Variants in CMIP observed in about 807,000 individuals in gnomAD.
The protein encoded by CMIP is C-Maf-inducing protein.
CMIP carries 13 observed loss-of-function variants against 97.3 expected under a neutral mutation model. That is an observed-to-expected ratio of 0.13 (90% confidence interval 0.09 to 0.21). CMIP has a LOEUF of 0.21. CMIP is among the 10% of genes least tolerant of loss of function. CMIP has a pLI of 1.00. For missense variants in CMIP, 847 were observed against 1,024.9 expected (o/e 0.83, Z 2.37); for synonymous variants, 538 against 436.3 (o/e 1.23, Z -2.91).
intron 1 of CMIP, among the ~76,000 whole-genome samples, chr16:81,550,439 G>A (rs1303652161): frequency 2.6e-5 from 4 of 152,160 alleles, no homozygotes; most frequent in Non-Finnish European, 5.9e-5. Context: ...CAGGAGGGTC[G>A]CAGGGCTTTA....
At chr16:81,497,273 C>G (rs2089508513) in intron 1 of CMIP, among the ~76,000 whole-genome samples, 1 of 152,196 alleles carries the variant, frequency 6.6e-6, no homozygotes, top group African/African-American at 2.4e-5. Context: ...GGACCTGCTA[C>G]CTGTCCTCCG....
chr16:81,640,063 C>G (rs1466048510), intron 3 of CMIP, among the ~76,000 whole-genome samples: 2 of 152,308 alleles, frequency 1.3e-5, no homozygotes, highest in Admixed American at 1.3e-4. Flanking sequence ...GAGCCCCATG[C>G]TGACGTCCCT....
intron 1 of CMIP, among the ~76,000 whole-genome samples, chr16:81,589,158 G>A (rs757873968): frequency 2.6e-5 from 4 of 151,808 alleles, no homozygotes; most frequent in Admixed American, 1.3e-4. Context: ...GTGCAGTGGC[G>A]TGATCTCGGC....
At chr16:81,635,344 C>G (rs1325144528) in intron 3 of CMIP, among the ~76,000 whole-genome samples, 1 of 152,056 alleles carries the variant, frequency 6.6e-6, no homozygotes, top group Non-Finnish European at 1.5e-5. Context: ...GGTTGGCACA[C>G]AGGACAGAGT....
intron 1 of CMIP, among the ~76,000 whole-genome samples, chr16:81,521,963 T>C (rs2090037410): frequency 6.6e-6 from 1 of 152,306 alleles, no homozygotes; most frequent in East Asian, 1.9e-4. Context: ...TTGTTTCCTT[T>C]TTATCCAGGA....
intron 1 of CMIP, among the ~76,000 whole-genome samples, chr16:81,450,780 T>C (rs549125226): frequency 6.6e-6 from 1 of 152,336 alleles, no homozygotes; most frequent in South Asian, 2.1e-4. Flanking sequence ...AAAATTGAAA[T>C]ACTCATGTAT....
At chr16:81,675,896 C>G (rs1173626502) in intron 9 of CMIP, among the ~76,000 whole-genome samples, 2 of 152,146 alleles carry the variant, frequency 1.3e-5, no homozygotes, top group Non-Finnish European at 2.9e-5. Flanking sequence ...CTAACAAGCT[C>G]CCAGGCGAAG....
At chr16:81,450,937 C>G (rs973401116) in intron 1 of CMIP, among the ~76,000 whole-genome samples, 17 of 152,238 alleles carry the variant, frequency 1.1e-4, no homozygotes, top group African/African-American at 4.1e-4. Flanking sequence ...ATGCACACAG[C>G]TGTCTACCGT....
At chr16:81,587,236 T>G (rs2091397396) in intron 1 of CMIP, among the ~76,000 whole-genome samples, 1 of 152,248 alleles carries the variant, frequency 6.6e-6, no homozygotes, top group Non-Finnish European at 1.5e-5. Context: ...TGGAGCCAGC[T>G]TTACAGCTGG....
At position 81,709,913 on chromosome 16, in the gene CMIP, G is replaced by T; in HGVS notation, c.*114G>T. Reference sequence around the variant, plus strand: ...ACCCTGGTGCCCTGGCTGTGAGATAGATGGGGAGTCTTTCTGGGGGCGGAG... The same window carrying T: ...ACCCTGGTGCCCTGGCTGTGAGATATATGGGGAGTCTTTCTGGGGGCGGAG... On this transcript the variant is annotated 3_prime_UTR_variant, in exon 21 of 21. Coordinates refer to ENST00000537098, the MANE Select transcript of CMIP (RefSeq NM_198390.3). 1.8e-6 allele frequency: 1 copy of T among 561,184 alleles called. No homozygotes were observed. The allele number at this position is 561,184 out of a possible 1,614,324, so 34.8% of individuals were successfully genotyped here.
At chr16:81,476,505 A>C in intron 1 of CMIP, 10 of 700,632 alleles carry the variant, frequency 1.4e-5, no homozygotes, top group South Asian at 1.2e-4. Context: ...CAGAGAACAC[A>C]GTGGGGTTGA....
In CMIP at chr16:81,625,257, C is replaced by G. The variant is rs536504299; in HGVS notation, c.477+4331C>G. Reference sequence around the variant, plus strand: ...TCCCAGCCCATGGCTGCTCCACCTCCCAGCATTCGCTAGAGCAGAAGCTGC... The same window carrying G: ...TCCCAGCCCATGGCTGCTCCACCTCGCAGCATTCGCTAGAGCAGAAGCTGC... On this transcript the variant is annotated intron_variant, in intron 3 of 20. Transcript: ENST00000537098. Among the ~76,000 whole-genome samples, 14 of 152,372 alleles carry G rather than the reference C, an allele frequency of 9.2e-5. 1 individual carries two copies. The East Asian group carries it at 2.7e-3, about 29-fold the overall frequency.
intron 1 of CMIP, among the ~76,000 whole-genome samples, chr16:81,461,206 A>G (rs1032134637): frequency 1.3e-5 from 2 of 152,218 alleles, no homozygotes; most frequent in Non-Finnish European, 2.9e-5. Flanking sequence ...GGCTGTGTGC[A>G]TGGAGCATGA....
At chr16:81,633,103 T>A (rs1302568753) in intron 3 of CMIP, among the ~76,000 whole-genome samples, 1 of 152,268 alleles carries the variant, frequency 6.6e-6, no homozygotes, top group Non-Finnish European at 1.5e-5. Context: ...GTGGGTGAAC[T>A]TGTTTTTTGC....
In CMIP at chr16:81,526,045, G is replaced by A. The variant is rs936546263; in HGVS notation, c.300+80504G>A. 3.3e-5 allele frequency among the ~76,000 whole-genome samples: 5 copies of A among 151,580 alleles called. No individual in the cohort carries two copies. The South Asian group carries it at 8.3e-4, about 25-fold the overall frequency. ...GTGTGTTCGTCCATTCAGTTTGTCC[G>A]TTTGCATTTCAGTTGCTTCTGCGTT... On this transcript the variant is annotated intron_variant, in intron 1 of 20. Transcript: ENST00000537098.
intron 1 of CMIP, among the ~76,000 whole-genome samples, chr16:81,481,544 T>C (rs1908263564): frequency 1.3e-5 from 2 of 152,204 alleles, no homozygotes; most frequent in Admixed American, 1.3e-4. Context: ...GATGGGGCCA[T>C]GCCAGGGCCA....
At chr16:81,471,244 A>C (rs1907521024) in intron 1 of CMIP, among the ~76,000 whole-genome samples, 1 of 152,184 alleles carries the variant, frequency 6.6e-6, no homozygotes, top group South Asian at 2.1e-4. Flanking sequence ...ACACATAGAA[A>C]TACATATACA....
intron 4 of CMIP, among the ~76,000 whole-genome samples, chr16:81,657,053 A>G (rs561947757): frequency 6.6e-6 from 1 of 152,280 alleles, no homozygotes; most frequent in South Asian, 2.1e-4. Context: ...CAAAATTTAA[A>G]AAAAAAAAAT....
chr16:81,541,443 C>A (rs907727973), intron 1 of CMIP, among the ~76,000 whole-genome samples: 1 of 152,204 alleles, frequency 6.6e-6, no homozygotes, highest in Non-Finnish European at 1.5e-5. Flanking sequence ...GCCAGTCTAA[C>A]CACTCCAGCC....
Sources: gnomAD v4.1 joint callset for allele counts (sites outside exome capture counted in the v4.1 genomes callset) on GRCh38, gnomAD v4.1.1 for gene constraint, MANE v1.5 for transcripts, NCBI Gene and HGNC (gene_info 2026-07-23, HGNC 2026-07-21) for gene names.